PCDH9: variants seen among roughly 807,000 people sequenced by gnomAD.
PCDH9 encodes the protein protocadherin-9.
A neutral mutation model predicts 70.6 loss-of-function variants in PCDH9; 24 were observed. The observed-to-expected ratio is 0.34, with a 90% CI of 0.25 to 0.48. PCDH9 has a LOEUF of 0.48. Ranked by LOEUF, PCDH9 falls within the 20% of genes least tolerant of loss-of-function variation. The pLI is 0.99. For synonymous variants in PCDH9, 562 were observed against 558.5 expected (o/e 1.01, Z -0.09); for missense variants, 1,281 against 1,503.6 (o/e 0.85, Z 2.45).
At chr13:67,019,109 A>G (rs920151186) in intron 2 of PCDH9, among the ~76,000 whole-genome samples, 1 of 151,472 alleles carries the variant, frequency 6.6e-6, no homozygotes, top group African/African-American at 2.4e-5. Flanking sequence ...AGTTCTCATG[A>G]GAATCTTCCC....
intron 4 of PCDH9, among the ~76,000 whole-genome samples, chr13:66,309,370 T>C (rs928258617): frequency 6.6e-6 from 1 of 151,166 alleles, no homozygotes; most frequent in Non-Finnish European, 1.5e-5. Flanking sequence ...ACTGGTCTCC[T>C]AAGTCAGTCC....
intron 4 of PCDH9, among the ~76,000 whole-genome samples, chr13:66,424,907 A>G (rs1593957983): frequency 6.6e-6 from 1 of 151,910 alleles, no homozygotes; most frequent in Non-Finnish European, 1.5e-5. Flanking sequence ...ACTGAAAACT[A>G]AAGAAATAGT....
chr13:67,162,661 G>A (rs1318280883), intron 2 of PCDH9, among the ~76,000 whole-genome samples: 1 of 152,114 alleles, frequency 6.6e-6, no homozygotes, highest in African/African-American at 2.4e-5. Context: ...TAAAACTCCC[G>A]AGTGAGTAGA....
In PCDH9 at chr13:67,059,258, G is replaced by A. The variant is rs537306586; in HGVS notation, c.3037-155653C>T. On this transcript the variant is annotated intron_variant, in intron 2 of 4. Coordinates refer to ENST00000377865, the MANE Select transcript of PCDH9 (RefSeq NM_203487.3). ...GTGTGCTAGCATTATTCTAGATGCT[G>A]AGGACAAAGCACAAAGTTCATGATC... Among the ~76,000 whole-genome samples the A allele has an allele frequency of 4.6e-5, 7 of 150,902 alleles. No individual in the cohort carries two copies. The Admixed American group carries it at 4.6e-4, about 10-fold the overall frequency.
chr13:66,488,332 C>T (rs1958979328), intron 4 of PCDH9, among the ~76,000 whole-genome samples: 1 of 152,086 alleles, frequency 6.6e-6, no homozygotes, highest in Non-Finnish European at 1.5e-5. Flanking sequence ...AATTCTACTG[C>T]TAACAAATCT....
intron 2 of PCDH9, chr13:67,205,555 C>A (rs1206349857): frequency 6.6e-6 from 1 of 152,164 alleles, no homozygotes; most frequent in Non-Finnish European, 1.5e-5. Flanking sequence ...TCCTTTTGAA[C>A]ACATAAATCT....
At chr13:66,702,262 T>C (rs911298563) in intron 3 of PCDH9, among the ~76,000 whole-genome samples, 5 of 152,120 alleles carry the variant, frequency 3.3e-5, no homozygotes, top group African/African-American at 9.7e-5. Context: ...CACTAAAATT[T>C]CCATCACTAA....
intron 4 of PCDH9, among the ~76,000 whole-genome samples, chr13:66,382,252 C>G (rs1379808425): frequency 6.6e-6 from 1 of 152,052 alleles, no homozygotes; most frequent in Non-Finnish European, 1.5e-5. Flanking sequence ...TAATTCAAAT[C>G]CAATGTGTAC....
At chr13:67,165,099 T>G (rs973763693) in intron 2 of PCDH9, among the ~76,000 whole-genome samples, 4 of 152,122 alleles carry the variant, frequency 2.6e-5, no homozygotes, top group African/African-American at 9.7e-5. Context: ...AAAGAATAAA[T>G]TAATTAAAAA....
intron 3 of PCDH9, among the ~76,000 whole-genome samples, chr13:66,823,389 A>G (rs1333812288): frequency 6.6e-6 from 1 of 151,746 alleles, no homozygotes. Context: ...ATAAACATGT[A>G]CTGAACTACA....
intron 4 of PCDH9, among the ~76,000 whole-genome samples, chr13:66,405,566 C>T (rs1003013009): frequency 6.6e-6 from 1 of 152,148 alleles, no homozygotes; most frequent in Non-Finnish European, 1.5e-5. Context: ...GCCAAATACT[C>T]ATCTCCCCTT....
At chr13:67,042,056 T>C (rs985043156) in intron 2 of PCDH9, among the ~76,000 whole-genome samples, 2 of 152,092 alleles carry the variant, frequency 1.3e-5, no homozygotes, top group Non-Finnish European at 2.9e-5. Context: ...TTTCTAGTGA[T>C]GCATCTCCAG....
chr13:66,925,368 AT>A (rs1015212179), intron 2 of PCDH9, among the ~76,000 whole-genome samples: 4 of 151,742 alleles, frequency 2.6e-5, no homozygotes, highest in African/African-American at 7.3e-5. Flanking sequence ...CTTATAAAAT[AT>A]TTTTTTCTCA....
intron 2 of PCDH9, among the ~76,000 whole-genome samples, chr13:66,985,156 C>A (rs2139783417): frequency 6.6e-6 from 1 of 152,140 alleles, no homozygotes; most frequent in African/African-American, 2.4e-5. Flanking sequence ...TCAATATTTA[C>A]CTTTTCCATG....
chr13:66,736,832 A>T (rs1253327963), intron 3 of PCDH9, among the ~76,000 whole-genome samples: 2 of 152,230 alleles, frequency 1.3e-5, no homozygotes, highest in Admixed American at 6.5e-5. Flanking sequence ...CCAATCTGTC[A>T]TGCAGAAACT....
chr13:66,377,395 T>C (rs1956767967), intron 4 of PCDH9, among the ~76,000 whole-genome samples: 2 of 152,118 alleles, frequency 1.3e-5, no homozygotes, highest in Admixed American at 6.5e-5. Context: ...GTGATACTGC[T>C]CTTGCTGGTT....
intron 2 of PCDH9, among the ~76,000 whole-genome samples, chr13:67,074,840 AAAG>A (rs1225821600): frequency 6.6e-6 from 1 of 152,178 alleles, no homozygotes; most frequent in Admixed American, 6.6e-5. Flanking sequence ...CTCACACAAA[AAAG>A]AAATTTTTTA....
chr13:66,356,272 A>T (rs1956380659), intron 4 of PCDH9, among the ~76,000 whole-genome samples: 1 of 152,136 alleles, frequency 6.6e-6, no homozygotes, highest in Admixed American at 6.6e-5. Flanking sequence ...CTTTTGCAGA[A>T]TCCCTGCAGC....
chr13:66,640,828 A>T (rs1190919105), intron 3 of PCDH9, among the ~76,000 whole-genome samples: 2 of 152,134 alleles, frequency 1.3e-5, no homozygotes, highest in African/African-American at 4.8e-5. Flanking sequence ...ATCTGTTTCA[A>T]CTGATCTTGT....
Sources: allele counts gnomAD v4.1 joint callset (sites outside exome capture counted in the v4.1 genomes callset), GRCh38; gene constraint gnomAD v4.1.1; transcripts MANE v1.5; gene names NCBI Gene and HGNC (gene_info 2026-07-23, HGNC 2026-07-21).